The following GLB1 variants were observed in gnomAD, a reference collection of about 807,000 sequenced individuals.
GLB1 encodes the protein beta-galactosidase.
GLB1 carries 56 observed loss-of-function variants against 74.0 expected under a neutral mutation model. That is an observed-to-expected ratio of 0.76 (90% CI 0.61 to 0.94). GLB1 has a LOEUF of 0.94. Among genes scored for constraint, GLB1 ranks in the 40% least tolerant of loss-of-function variants. GLB1 has a pLI of 0.00. For missense variants in GLB1, 787 were observed against 845.5 expected, an observed-to-expected ratio of 0.93 and a Z score of 0.86; for synonymous variants, 323 against 323.6, an observed-to-expected ratio of 1.00 and a Z score of 0.02.
At chr3:32,975,630 C>G in the GLB1 span, among the ~76,000 whole-genome samples, 2 of 152,086 alleles carry the variant, frequency 1.3e-5, no homozygotes, top group Non-Finnish European at 2.9e-5. Flanking sequence ...AGAGAAAGAG[C>G]AACAAATATT....
At chr3:33,019,313 C>G (rs943548230) in intron 12 of GLB1, among the ~76,000 whole-genome samples, 6 of 152,154 alleles carry the variant, frequency 3.9e-5, no homozygotes, top group Non-Finnish European at 8.8e-5. Flanking sequence ...TCAGCAGTAA[C>G]GGAATTATTC....
At chr3:32,996,570 C>T (rs115869079), downstream of GLB1, 1,199 of 219,194 alleles carry the variant, frequency 5.5e-3, 15 homozygotes, top group African/African-American at 0.026. Context: ...AGTCAAATAA[C>T]GATCAGAAAA....
intron 10 of GLB1, chr3:33,034,815 A>G: frequency 3.3e-6 from 2 of 602,418 alleles, no homozygotes; most frequent in Non-Finnish European, 6.5e-6. Flanking sequence ...CAGTGACAAG[A>G]CAGGCAGAGC....
chr3:32,971,873 G>A, the GLB1 span, among the ~76,000 whole-genome samples: 39 of 152,130 alleles, frequency 2.6e-4, 1 homozygote, highest in Admixed American at 1.0e-3. Flanking sequence ...TGTGGAACAC[G>A]GGCATATCGG....
rs376478014 is a variant in GLB1 at position 33,043,844 on chromosome 3, G to GAAAAAAAAAAAAAA, written c.1068+2262_1068+2275dup. On this transcript the variant is annotated intron_variant, in intron 10 of 15. Transcript: ENST00000307363. ...GTTAATGAATAACAGACCAAAAAAAGAAAAAAAAAAAAAAAAAAGGCTTCC... is the reference window on the plus strand; with the variant it reads ...GTTAATGAATAACAGACCAAAAAAAGAAAAAAAAAAAAAAAAAAAAAAAAAAAAAAAAGGCTTCC... Among the ~76,000 whole-genome samples, 6 of 104,968 alleles carry GAAAAAAAAAAAAAA rather than the reference G, an allele frequency of 5.7e-5. 1 individual carries two copies. The highest frequency in any genetic ancestry group is 1.1e-4 in the Admixed American group (1 of 9,086). 68.9% of individuals were successfully genotyped at this position (104,968 alleles called of 152,430 possible).
chr3:32,986,519 C>A, the GLB1 span, among the ~76,000 whole-genome samples: 4,405 of 152,158 alleles, frequency 0.029, 207 homozygotes, highest in African/African-American at 0.098. Flanking sequence ...CTCAACACTG[C>A]CCATCCCCGT....
At chr3:33,096,987 C>A in intron 1 of GLB1, 24 bp downstream of exon 1, 1 of 1,609,756 alleles carries the variant, frequency 6.2e-7, no homozygotes, top group East Asian at 2.2e-5. Context: ...AATGCCTCCC[C>A]GTACCCGGGT....
intron 1 of GLB1, chr3:33,076,954 T>C (rs1700131080): frequency 6.4e-6 from 5 of 777,894 alleles, no homozygotes; most frequent in African/African-American, 1.8e-5. Flanking sequence ...CCGGACACAA[T>C]GGCTCATGCC....
At chr3:33,032,109 C>T (rs1008852421) in intron 10 of GLB1, among the ~76,000 whole-genome samples, 7 of 152,016 alleles carry the variant, frequency 4.6e-5, no homozygotes, top group African/African-American at 1.7e-4. Flanking sequence ...TTTCTAAAGA[C>T]TCTGTCTCCT....
chr3:32,967,908 A>G, the GLB1 span, among the ~76,000 whole-genome samples: 1 of 152,188 alleles, frequency 6.6e-6, no homozygotes. Context: ...GAACCACGGT[A>G]AGGAGCAAGG....
At chr3:32,986,734 G>C in the GLB1 span, among the ~76,000 whole-genome samples, 1 of 151,988 alleles carries the variant, frequency 6.6e-6, no homozygotes, top group Non-Finnish European at 1.5e-5. Context: ...GGGATTACAG[G>C]TGTGTGCCAC....
chr3:33,068,327 C>T (rs1178871522), intron 3 of GLB1, 37 bp from the exon 4 acceptor site: 1 of 1,613,402 alleles, frequency 6.2e-7, no homozygotes, highest in South Asian at 1.1e-5. Context: ...AATGTCTGTT[C>T]CGTGAAGGGT....
intron 1 of GLB1, among the ~76,000 whole-genome samples, chr3:33,080,704 T>C (rs1046937549): frequency 3.3e-5 from 5 of 152,350 alleles, no homozygotes; most frequent in African/African-American, 1.2e-4. Flanking sequence ...CCCAGAGTGA[T>C]AACTACAATA....
At chr3:33,059,640 G>A (rs969189817) in intron 5 of GLB1, among the ~76,000 whole-genome samples, 7 of 152,174 alleles carry the variant, frequency 4.6e-5, no homozygotes, top group African/African-American at 1.7e-4. Flanking sequence ...ATAAGCGTCA[G>A]GACAGTGGGA....
intron 12 of GLB1, among the ~76,000 whole-genome samples, chr3:33,018,907 A>T (rs1392665591): frequency 1.3e-5 from 2 of 152,188 alleles, no homozygotes; most frequent in African/African-American, 2.4e-5. Context: ...TCCAAAAACA[A>T]AACTAAGTAA....
At position 33,058,144 on chromosome 3, in the gene GLB1, T is replaced by A. The variant is rs543022319; in HGVS notation, c.678A>T (p.Thr226=). The change falls in exon 6 of 16, where the codon ACA becomes ACT. Residue 226 remains threonine (T), a synonymous_variant. Coordinates refer to ENST00000307363, the MANE Select transcript of GLB1 (RefSeq NM_000404.4). Reference sequence around the variant, plus strand: ...CCTGCAGGGCCCCACATTTCAGGAATGTTTTATGTGCTCCATCAGTGGTAA... The same window carrying A: ...CCTGCAGGGCCCCACATTTCAGGAAAGTTTTATGTGCTCCATCAGTGGTAA... ...VLFTTDGAHK[T]FLKCGALQGL... The A allele has an allele frequency of 6.2e-7, 1 of 1,614,092 alleles. No homozygotes were observed. Among genetic ancestry groups the A allele is most frequent in the Non-Finnish European group, 8.5e-7 (1 of 1,180,012 alleles).
intron 10 of GLB1, among the ~76,000 whole-genome samples, chr3:33,031,819 C>T (rs1559391436): frequency 6.6e-6 from 1 of 151,108 alleles, no homozygotes; most frequent in African/African-American, 2.4e-5. Flanking sequence ...GTTTTTGAGA[C>T]AGAGTTTTGC....
intron 4 of GLB1, among the ~76,000 whole-genome samples, chr3:33,067,659 T>C (rs1329479373): frequency 6.6e-6 from 1 of 152,110 alleles, no homozygotes; most frequent in East Asian, 1.9e-4. Context: ...CTGAAGTCAG[T>C]TGGTCAACCG....
intron 1 of GLB1, among the ~76,000 whole-genome samples, chr3:33,095,650 A>G (rs1046608485): frequency 6.6e-6 from 1 of 152,110 alleles, no homozygotes; most frequent in African/African-American, 2.4e-5. Context: ...AAGACTGATG[A>G]GCTCACATCA....
Sources: gnomAD v4.1 joint callset for allele counts (sites outside exome capture counted in the v4.1 genomes callset) on GRCh38, gnomAD v4.1.1 for gene constraint, MANE v1.5 for transcripts, NCBI Gene and HGNC (gene_info 2026-07-23, HGNC 2026-07-21) for gene names.